The following LRIF1 variants were observed in gnomAD, a reference collection of about 807,000 sequenced individuals.
LRIF1 encodes the protein ligand-dependent nuclear receptor-interacting factor 1.
In LRIF1, 32 loss-of-function variants were observed where a neutral mutation model predicts 52.7. The ratio of observed to expected loss-of-function variants is 0.61; its 90% CI spans 0.46 to 0.82. The LOEUF is 0.82. Ranked by LOEUF, LRIF1 falls within the 40% of genes least tolerant of loss-of-function variation. The probability of loss-of-function intolerance (pLI) is 0.00; values close to 1 mark genes in which losing one functional copy is unlikely to be tolerated. For missense variants in LRIF1, 887 were observed against 892.0 expected (o/e 0.99, Z 0.07); for synonymous variants, 323 against 317.4 (o/e 1.02, Z -0.19).
At chr1:110,899,318 C>A in the LRIF1 span, 1 of 679,422 alleles carries the variant, frequency 1.5e-6, no homozygotes, top group East Asian at 2.8e-5. Flanking sequence ...CTTTTTAGGT[C>A]CCTGTCTTAT....
At chr1:110,896,613 GA>G in the LRIF1 span, 1 of 1,585,670 alleles carries the variant, frequency 6.3e-7, no homozygotes, top group African/African-American at 1.4e-5. Context: ...TTTCACTGTT[GA>G]CTTTCTAACC....
the LRIF1 span, among the ~76,000 whole-genome samples, chr1:110,909,729 C>A: frequency 1.3e-5 from 2 of 151,870 alleles, no homozygotes; most frequent in African/African-American, 4.8e-5. Context: ...TACAGGCATG[C>A]ATCACCACAC....
At chr1:110,878,573 A>G in the LRIF1 span, among the ~76,000 whole-genome samples, 1 of 152,116 alleles carries the variant, frequency 6.6e-6, no homozygotes, top group Admixed American at 6.6e-5. Context: ...ATTTTTTTTT[A>G]AAGAAAGCAT....
chr1:110,886,869 A>ATATTTTT, the LRIF1 span, among the ~76,000 whole-genome samples: 11 of 82,784 alleles, frequency 1.3e-4, no homozygotes, highest in African/African-American at 4.8e-4. Flanking sequence ...ATATATATAT[A>ATATTTTT]TTTTTTTTTT....
chr1:110,949,827 A>T, intron 3 of LRIF1, 24 bp downstream of exon 3: 1 of 1,602,958 alleles, frequency 6.2e-7, no homozygotes, highest in Non-Finnish European at 8.5e-7. Flanking sequence ...ACCTATGAAG[A>T]GCACATTAAA....
At chr1:110,918,347 T>C in the LRIF1 span, among the ~76,000 whole-genome samples, 1 of 152,292 alleles carries the variant, frequency 6.6e-6, no homozygotes, top group South Asian at 2.1e-4. Flanking sequence ...AATAATATTG[T>C]TATTACTCAT....
chr1:110,951,910 T>G lies in LRIF1; in HGVS notation c.974A>C (p.Lys325Thr). ...SKILKTFVDR[K>T]NLGDNTINMP... ...ATTTATAGTATTATCTCCCAAATTT[T>G]TCCTATCTACAAAAGTTTTTAAAAT... The change falls in exon 2 of 4, where the codon AAA becomes ACA. Residue 325 changes from lysine (K) to threonine (T), a missense_variant. Coordinates refer to ENST00000369763, the MANE Select transcript of LRIF1 (RefSeq NM_018372.4). 1 of 1,614,064 alleles carries G rather than the reference T, an allele frequency of 6.2e-7. No individual in the cohort carries two copies. The highest frequency in any genetic ancestry group is 1.3e-5 in the African/African-American group (1 of 75,054).
the LRIF1 span, chr1:110,880,100 C>T: frequency 3.9e-5 from 6 of 152,204 alleles, no homozygotes; most frequent in South Asian, 2.1e-4. Context: ...AGTTTGGTCA[C>T]GCAGGTTTCC....
downstream of LRIF1, among the ~76,000 whole-genome samples, chr1:110,945,462 G>A (rs2101099289): frequency 7.7e-6 from 1 of 129,614 alleles, no homozygotes; most frequent in Admixed American, 8.9e-5. Flanking sequence ...GTCTCATTCT[G>A]TTGCCCAGGC....
chr1:110,897,753 C>G, the LRIF1 span: 1 of 1,055,238 alleles, frequency 9.5e-7, no homozygotes. Context: ...CAAATACTTC[C>G]TCTTGATATG....
At chr1:110,944,962 T>G (rs1658169661), downstream of LRIF1, 1 of 151,802 alleles carries the variant, frequency 6.6e-6, no homozygotes, top group Admixed American at 6.6e-5. Context: ...AGTGGCATGT[T>G]CACAGTTCAC....
chr1:110,898,293 C>T, the LRIF1 span, among the ~76,000 whole-genome samples: 2 of 147,436 alleles, frequency 1.4e-5, no homozygotes, highest in African/African-American at 2.5e-5. Context: ...AGGAGAATGG[C>T]GTGAACCTGG....
At chr1:110,963,506 A>C in intron 1 of LRIF1, 115 bp downstream of exon 1, 4 of 786,056 alleles carry the variant, frequency 5.1e-6, no homozygotes, top group Non-Finnish European at 6.0e-6. Flanking sequence ...TGGGTGGCGC[A>C]CTCTGCGGGC....
chr1:110,954,141 T>C (rs1658597957), intron 1 of LRIF1, among the ~76,000 whole-genome samples: 1 of 152,180 alleles, frequency 6.6e-6, no homozygotes, highest in African/African-American at 2.4e-5. Context: ...CAGGTATTAA[T>C]AAAAATCAAT....
At chr1:110,929,496 T>A in the LRIF1 span, among the ~76,000 whole-genome samples, 1 of 152,252 alleles carries the variant, frequency 6.6e-6, no homozygotes, top group Non-Finnish European at 1.5e-5. Flanking sequence ...GGTTTTGATT[T>A]GCATTTCTCT....
At chr1:110,900,918 G>A in the LRIF1 span, among the ~76,000 whole-genome samples, 11 of 152,056 alleles carry the variant, frequency 7.2e-5, no homozygotes, top group South Asian at 6.2e-4. Context: ...AATTATCTAC[G>A]TATAACCACA....
chr1:110,931,140 C>G, the LRIF1 span, among the ~76,000 whole-genome samples: 5 of 152,156 alleles, frequency 3.3e-5, no homozygotes, highest in African/African-American at 1.2e-4. Flanking sequence ...CCCCAGCCCC[C>G]CAACCCCTGA....
chr1:110,963,426 G>A (rs1659049137), intron 1 of LRIF1, 195 bp downstream of exon 1: 1 of 431,018 alleles, frequency 2.3e-6, no homozygotes, highest in Non-Finnish European at 4.3e-6. Context: ...AGGCTCTAAA[G>A]AGGTTTTACA....
chr1:110,908,531 T>C, the LRIF1 span, among the ~76,000 whole-genome samples: 152 of 152,312 alleles, frequency 1.0e-3, no homozygotes, highest in African/African-American at 3.6e-3. Context: ...GAGGACATAT[T>C]CATTTTAAGA....
Sources: allele counts gnomAD v4.1 joint callset (sites outside exome capture counted in the v4.1 genomes callset), GRCh38; gene constraint gnomAD v4.1.1; transcripts MANE v1.5; gene names NCBI Gene and HGNC (gene_info 2026-07-23, HGNC 2026-07-21).